The following HDAC4 variants were observed in gnomAD, a reference collection of about 807,000 sequenced individuals.
HDAC4 encodes histone deacetylase 4, also known as histone deacetylase A.
Under a neutral mutation model 135.1 loss-of-function variants are expected in HDAC4, and 16 were observed. The observed-to-expected ratio is 0.12, with a 90% CI of 0.08 to 0.18. HDAC4 has a LOEUF of 0.18. Among genes scored for constraint, HDAC4 ranks in the 10% least tolerant of loss-of-function variants. The pLI is 1.00. For missense variants in HDAC4, 1,143 were observed against 1,511.8 expected, an observed-to-expected ratio of 0.76 and a Z score of 4.05; for synonymous variants, 685 against 653.4, an observed-to-expected ratio of 1.05 and a Z score of -0.74.
At chr2:239,260,770 C>T (rs1054733096) in intron 2 of HDAC4, among the ~76,000 whole-genome samples, 29 of 152,230 alleles carry the variant, frequency 1.9e-4, no homozygotes, top group African/African-American at 7.0e-4. Flanking sequence ...CCACCTGGGG[C>T]CCGAGCGCTG....
intron 3 of HDAC4, among the ~76,000 whole-genome samples, chr2:239,199,120 C>A (rs143587246): frequency 1.8e-5 from 2 of 111,580 alleles, no homozygotes; most frequent in Admixed American, 9.1e-5. Context: ...CCCCACCACC[C>A]CCACCCCGAT....
intron 17 of HDAC4, chr2:239,094,050 C>T (rs2036760695): frequency 1.0e-6 from 1 of 985,322 alleles, no homozygotes; most frequent in Non-Finnish European, 1.2e-6. Context: ...GAATCCAGAC[C>T]TTGAGCTTCA....
chr2:239,119,958 G>C (rs927252845), intron 12 of HDAC4, among the ~76,000 whole-genome samples: 1 of 149,780 alleles, frequency 6.7e-6, no homozygotes, highest in African/African-American at 2.4e-5. Context: ...GGAGGCACCA[G>C]GACTCCTGGC....
chr2:239,290,204 G>A (rs763996949), intron 2 of HDAC4, among the ~76,000 whole-genome samples: 1 of 151,836 alleles, frequency 6.6e-6, no homozygotes, highest in East Asian at 1.9e-4. Flanking sequence ...TTTTTCAAAT[G>A]TGCACTAACA....
chr2:239,184,051 A>G (rs2044326013), intron 4 of HDAC4, among the ~76,000 whole-genome samples: 1 of 136,800 alleles, frequency 7.3e-6, no homozygotes, highest in South Asian at 2.6e-4. Context: ...CACGAAAAAG[A>G]GGCCAGCCTT....
intron 2 of HDAC4, among the ~76,000 whole-genome samples, chr2:239,340,142 C>T (rs904059236): frequency 7.9e-5 from 12 of 151,986 alleles, no homozygotes; most frequent in African/African-American, 2.7e-4. Context: ...TGCTGCTGCT[C>T]CCTCACCCCA....
chr2:239,058,436 C>A (rs1360592454), intron 24 of HDAC4, among the ~76,000 whole-genome samples: 1 of 152,194 alleles, frequency 6.6e-6, no homozygotes, highest in East Asian at 1.9e-4. Context: ...AAAGCACAGA[C>A]CACAGGATAG....
At chr2:239,149,512 G>T (rs933559940) in intron 7 of HDAC4, among the ~76,000 whole-genome samples, 1 of 152,028 alleles carries the variant, frequency 6.6e-6, no homozygotes, top group African/African-American at 2.4e-5. Flanking sequence ...AAGCAAAGAC[G>T]ATGCCCCACA....
chr2:239,188,242 GA>G (rs1299011240), intron 4 of HDAC4, among the ~76,000 whole-genome samples: 1 of 152,204 alleles, frequency 6.6e-6, no homozygotes, highest in Non-Finnish European at 1.5e-5. Flanking sequence ...CCAGCTTTGG[GA>G]TGCAGCCTCC....
chr2:239,193,195 C>T (rs961505530), intron 3 of HDAC4, among the ~76,000 whole-genome samples: 4 of 152,234 alleles, frequency 2.6e-5, no homozygotes, highest in African/African-American at 9.6e-5. Context: ...CAGGGTCCCA[C>T]CACAGGCGCT....
Position 239,317,868 on chromosome 2 carries a change from C to T in HDAC4, c.22+34810G>A, listed in dbSNP as rs1364648604. 3.3e-5 allele frequency among the ~76,000 whole-genome samples: 5 copies of T among 152,260 alleles called. No individual in the cohort carries two copies. In the East Asian group the frequency reaches 9.6e-4, roughly 29 times the overall value. Reference sequence around the variant, plus strand: ...ACCTTGGTTTTATTCTGTATTATTTCACTTAAAAGTCAGTTTCCAAGAACC... The same window carrying T: ...ACCTTGGTTTTATTCTGTATTATTTTACTTAAAAGTCAGTTTCCAAGAACC... On this transcript the variant is annotated intron_variant, in intron 2 of 26. Coordinates refer to ENST00000543185, the MANE Select transcript of HDAC4 (RefSeq NM_001378414.1).
intron 2 of HDAC4, among the ~76,000 whole-genome samples, chr2:239,276,026 G>T (rs376543919): frequency 6.6e-6 from 1 of 152,276 alleles, no homozygotes; most frequent in Non-Finnish European, 1.5e-5. Context: ...CTGAGCCAGC[G>T]CAGGCCAGGG....
chr2:239,120,336 G>A (rs1233992376), intron 12 of HDAC4, among the ~76,000 whole-genome samples: 1 of 151,880 alleles, frequency 6.6e-6, no homozygotes, highest in African/African-American at 2.4e-5. Flanking sequence ...AGGCCACAGA[G>A]GCTCACATAC....
chr2:239,218,946 A>G (rs864012), intron 3 of HDAC4, among the ~76,000 whole-genome samples: 73,770 of 142,038 alleles, frequency 0.52, 20,227 homozygotes, highest in South Asian at 0.7. Context: ...TTAGAATGGC[A>G]ATCATTAAAA....
intron 21 of HDAC4, 125 bp downstream of exon 21, chr2:239,081,977 G>T: frequency 1.0e-6 from 1 of 990,834 alleles, no homozygotes; most frequent in Non-Finnish European, 1.6e-6. Flanking sequence ...TACTGTCTGG[G>T]CTTAAGTGAG....
At chr2:239,172,960 C>CG (rs1002604334) in intron 5 of HDAC4, among the ~76,000 whole-genome samples, 40 of 151,742 alleles carry the variant, frequency 2.6e-4, no homozygotes, top group African/African-American at 7.3e-4. Flanking sequence ...TAAAGTGAGC[C>CG]GGGGGGGAAA....
chr2:239,102,127 C>T lies in HDAC4; in HGVS notation c.2233+649G>A, dbSNP rs910169502. Among the ~76,000 whole-genome samples, 45 of 151,124 alleles carry T rather than the reference C, an allele frequency of 3.0e-4. 1 individual carries two copies. The highest frequency in any genetic ancestry group is 4.6e-4 in the Non-Finnish European group (31 of 67,638). ...CCACGTTCTGTGCCCTGGAAGCCCCCGGCCCGGGGTCTGGGTTCTGCGCCC... is the reference window on the plus strand; with the variant it reads ...CCACGTTCTGTGCCCTGGAAGCCCCTGGCCCGGGGTCTGGGTTCTGCGCCC... On this transcript the variant is annotated intron_variant, in intron 16 of 26. Transcript: ENST00000543185.
In HDAC4 at chr2:239,082,331, AG is replaced by A. The variant is rs1263436406; in HGVS notation, c.2533-111del. ...TGCTTAGTGACAACGGCTCCTGCTC[AG>A]GAATGACATTACCCTCCAGCTGGGC... On this transcript the variant is annotated intron_variant, in intron 20 of 26. Coordinates refer to ENST00000543185, the MANE Select transcript of HDAC4 (RefSeq NM_001378414.1). 7 of 1,403,736 alleles carry A rather than the reference AG, an allele frequency of 5.0e-6. No homozygotes were observed. The African/African-American group carries it at 5.6e-5, about 11-fold the overall frequency. The allele number at this position is 1,403,736 out of a possible 1,614,324, so 87.0% of individuals were successfully genotyped here.
intron 14 of HDAC4, among the ~76,000 whole-genome samples, 189 bp from the exon 15 acceptor site, chr2:239,108,372 G>A (rs921037848): frequency 2.6e-5 from 4 of 152,196 alleles, no homozygotes; most frequent in Middle Eastern, 3.2e-3. Context: ...GAACGTGGAC[G>A]AATGCAGAGG....
Sources: gnomAD v4.1 joint callset for allele counts (sites outside exome capture counted in the v4.1 genomes callset) on GRCh38, gnomAD v4.1.1 for gene constraint, MANE v1.5 for transcripts, NCBI Gene and HGNC (gene_info 2026-07-23, HGNC 2026-07-21) for gene names.